CADM2: variants seen among roughly 807,000 people sequenced by gnomAD.
CADM2 encodes cell adhesion molecule 2.
CADM2 carries 12 observed loss-of-function variants against 49.8 expected under a neutral mutation model. The observed-to-expected ratio is 0.24, with a 90% CI of 0.15 to 0.39. The LOEUF (loss-of-function observed/expected upper bound fraction) is 0.39, where lower values mean the gene tolerates loss of function less well. Among genes scored for constraint, CADM2 ranks in the 10% least tolerant of loss-of-function variants. CADM2 has a pLI of 1.00. For missense variants in CADM2, 378 were observed against 492.3 expected (o/e 0.77, Z 2.20); for synonymous variants, 214 against 175.4 (o/e 1.22, Z -1.74).
rs1231816209 is a variant in CADM2 at position 85,336,529 on chromosome 3, A to G, written c.61+376861A>G. 2.0e-5 allele frequency among the ~76,000 whole-genome samples: 3 copies of G among 151,458 alleles called. No homozygotes were observed. The Admixed American group carries it at 2.0e-4, about 10-fold the overall frequency. On this transcript the variant is annotated intron_variant, in intron 1 of 9. Coordinates refer to ENST00000383699, the MANE Select transcript of CADM2 (RefSeq NM_001167675.2). ...TTTTCATAAAGGGTGATTCAAAATT[A>G]TAATAACAAAGCTAAAGAAAACTAT...
chr3:85,808,174 A>G (rs184661532), intron 3 of CADM2, among the ~76,000 whole-genome samples: 5 of 152,354 alleles, frequency 3.3e-5, no homozygotes, highest in African/African-American at 7.2e-5. Flanking sequence ...GTCTTTTTCT[A>G]TAATACTTAA....
At chr3:85,193,780 T>C (rs1172676547) in intron 1 of CADM2, among the ~76,000 whole-genome samples, 2 of 152,100 alleles carry the variant, frequency 1.3e-5, no homozygotes, top group Middle Eastern at 3.2e-3. Context: ...CACAATGTAA[T>C]TCCTAACTCC....
intron 1 of CADM2, among the ~76,000 whole-genome samples, chr3:85,277,908 A>AT (rs963884984): frequency 1.3e-5 from 2 of 151,174 alleles, no homozygotes; most frequent in African/African-American, 4.8e-5. Context: ...CTGAAATCTT[A>AT]TTTTTTTGAC....
chr3:85,498,875 A>G (rs2040007340), intron 1 of CADM2, among the ~76,000 whole-genome samples: 2 of 152,164 alleles, frequency 1.3e-5, no homozygotes, highest in Non-Finnish European at 1.5e-5. Context: ...AACTGTGTAC[A>G]ATACATATAC....
At chr3:85,252,981 C>A (rs1415056228) in intron 1 of CADM2, among the ~76,000 whole-genome samples, 1 of 151,910 alleles carries the variant, frequency 6.6e-6, no homozygotes, top group Non-Finnish European at 1.5e-5. Context: ...TATTTCTTTT[C>A]CTAATACAAT....
At chr3:85,847,354 G>A (rs1042471395) in intron 3 of CADM2, among the ~76,000 whole-genome samples, 5 of 152,138 alleles carry the variant, frequency 3.3e-5, no homozygotes, top group Admixed American at 3.3e-4. Flanking sequence ...TCACCATAGT[G>A]ATCTAGGTAA....
intron 8 of CADM2, among the ~76,000 whole-genome samples, chr3:85,969,499 T>G (rs149912303): frequency 1.3e-5 from 2 of 151,530 alleles, no homozygotes; most frequent in East Asian, 3.9e-4. Flanking sequence ...TGAGGCCTTT[T>G]TTTTCCATTA....
intron 8 of CADM2, among the ~76,000 whole-genome samples, chr3:86,039,933 G>A (rs571472237): frequency 6.2e-4 from 94 of 152,214 alleles, no homozygotes; most frequent in Admixed American, 4.6e-3. Flanking sequence ...ACCAATATCC[G>A]CTGGTCTGCA....
chr3:85,455,329 A>C (rs72907295), intron 1 of CADM2, among the ~76,000 whole-genome samples: 1 of 152,352 alleles, frequency 6.6e-6, no homozygotes, highest in African/African-American at 2.4e-5. Flanking sequence ...TTATTTTGTC[A>C]CATTTATTAC....
At chr3:85,107,621 C>CTGTCTTTCTT (rs2038288149) in intron 1 of CADM2, among the ~76,000 whole-genome samples, 1 of 142,564 alleles carries the variant, frequency 7.0e-6, no homozygotes, top group Non-Finnish European at 1.6e-5. Context: ...TTCTTTCTTT[C>CTGTCTTTCTT]TTTCTTTCTT....
At chr3:85,031,839 A>G (rs2035004853) in intron 1 of CADM2, among the ~76,000 whole-genome samples, 1 of 151,974 alleles carries the variant, frequency 6.6e-6, no homozygotes, top group African/African-American at 2.4e-5. Context: ...CTTTTCTAAT[A>G]TTGTTTTATC....
At chr3:86,007,430 C>G (rs1447321474) in intron 8 of CADM2, among the ~76,000 whole-genome samples, 4 of 152,104 alleles carry the variant, frequency 2.6e-5, no homozygotes, top group African/African-American at 7.2e-5. Context: ...TTCTAATAAT[C>G]TGTGCACTGA....
chr3:85,263,117 G>C (rs931929237), intron 1 of CADM2, among the ~76,000 whole-genome samples: 1 of 151,726 alleles, frequency 6.6e-6, no homozygotes, highest in Admixed American at 6.6e-5. Flanking sequence ...TTCAGCCTCC[G>C]CAATAGCTGG....
chr3:85,579,168 A>G (rs1461371427), intron 1 of CADM2, among the ~76,000 whole-genome samples: 1 of 152,224 alleles, frequency 6.6e-6, no homozygotes, highest in African/African-American at 2.4e-5. Flanking sequence ...ATTTGAGCAA[A>G]TAAATTTGAG....
chr3:86,010,408 C>T (rs1438537550), intron 8 of CADM2, among the ~76,000 whole-genome samples: 3 of 151,518 alleles, frequency 2.0e-5, no homozygotes, highest in Non-Finnish European at 4.4e-5. Flanking sequence ...AAGAGTTATG[C>T]ACACTATTTT....
intron 1 of CADM2, among the ~76,000 whole-genome samples, chr3:85,028,663 G>T (rs2034843110): frequency 6.6e-6 from 1 of 151,976 alleles, no homozygotes; most frequent in Non-Finnish European, 1.5e-5. Context: ...GAAATCTCGT[G>T]ATATTTGATG....
chr3:85,265,866 A>T (rs2043111038), intron 1 of CADM2, among the ~76,000 whole-genome samples: 1 of 151,952 alleles, frequency 6.6e-6, no homozygotes, highest in Admixed American at 6.6e-5. Flanking sequence ...CTTTCTTTGT[A>T]TCATATAATA....
At chr3:86,014,172 T>G in intron 8 of CADM2, 4 of 1,293,124 alleles carry the variant, frequency 3.1e-6, no homozygotes, top group Non-Finnish European at 4.3e-6. Flanking sequence ...AGCACTTGTT[T>G]TAGGTTCAGA....
intron 8 of CADM2, among the ~76,000 whole-genome samples, chr3:86,003,484 A>G (rs1730421680): frequency 6.6e-6 from 1 of 152,222 alleles, no homozygotes; most frequent in South Asian, 2.1e-4. Context: ...ATAAATAAAA[A>G]TTAAGAAAAC....
Sources: allele counts gnomAD v4.1 joint callset (sites outside exome capture counted in the v4.1 genomes callset), GRCh38; gene constraint gnomAD v4.1.1; transcripts MANE v1.5; gene names NCBI Gene and HGNC (gene_info 2026-07-23, HGNC 2026-07-21).